The following SLX4IP variants were observed in gnomAD, a reference collection of about 807,000 sequenced individuals.
SLX4IP encodes the protein SLX4 interacting protein.
Under a neutral mutation model 32.9 loss-of-function variants are expected in SLX4IP, and 34 were observed. That is an observed-to-expected ratio of 1.03 (90% CI 0.79 to 1.38). The LOEUF (loss-of-function observed/expected upper bound fraction) is 1.38, where lower values mean the gene tolerates loss of function less well. SLX4IP is among the 40% of genes most tolerant of loss of function. The pLI is 0.00. For synonymous variants in SLX4IP, 172 were observed against 171.7 expected, an observed-to-expected ratio of 1.00 and a Z score of -0.01; for missense variants, 444 against 479.0, an observed-to-expected ratio of 0.93 and a Z score of 0.68.
intron 2 of SLX4IP, among the ~76,000 whole-genome samples, chr20:10,498,112 T>C (rs2065684258): frequency 6.6e-6 from 1 of 150,670 alleles, no homozygotes; most frequent in Admixed American, 6.7e-5. Flanking sequence ...TACATAGCAA[T>C]ATTCTTCCTT....
intron 6 of SLX4IP, chr20:10,613,323 G>A (rs1240777849): frequency 3.5e-6 from 3 of 851,604 alleles, no homozygotes; most frequent in Non-Finnish European, 5.7e-6. Context: ...AATTCAGGCT[G>A]GAAAGACACC....
chr20:10,622,739 CAG>C lies in SLX4IP; in HGVS notation c.588_589del (p.Val197AspfsTer10). 6.2e-7 allele frequency: 1 copy of C among 1,614,116 alleles called. No homozygotes were observed. Among genetic ancestry groups the C allele is most frequent in the Non-Finnish European group, 8.5e-7 (1 of 1,180,024 alleles). On this transcript the variant is annotated frameshift_variant, in exon 8 of 8. Coordinates refer to ENST00000334534, the MANE Select transcript of SLX4IP (RefSeq NM_001009608.3). LOFTEE classifies it high-confidence loss of function. ...GACACTGTGGAAACATCTAGTGACT[CAG>C]TGATTGCAGAGATAGCAAGGAGGAG...
chr20:10,541,617 A>G (rs2066107682), intron 2 of SLX4IP, among the ~76,000 whole-genome samples: 1 of 152,236 alleles, frequency 6.6e-6, no homozygotes, highest in Admixed American at 6.5e-5. Flanking sequence ...GGTATTAGAC[A>G]TTGTAGATAT....
chr20:10,583,838 A>T (rs1377857481), intron 4 of SLX4IP, among the ~76,000 whole-genome samples: 1 of 152,224 alleles, frequency 6.6e-6, no homozygotes, highest in African/African-American at 2.4e-5. Flanking sequence ...TTTAAGCAAA[A>T]CAAAATTTAA....
chr20:10,583,500 G>C (rs982303725), intron 4 of SLX4IP, among the ~76,000 whole-genome samples: 1 of 152,164 alleles, frequency 6.6e-6, no homozygotes, highest in Non-Finnish European at 1.5e-5. Flanking sequence ...CGGGTCAAAT[G>C]TCCTCTGGAA....
At chr20:10,518,439 CT>C (rs1568720015) in intron 2 of SLX4IP, among the ~76,000 whole-genome samples, 1,286 of 57,118 alleles carry the variant, frequency 0.023, 77 homozygotes, top group Admixed American at 0.076. Flanking sequence ...CTCCCTCCTT[CT>C]TCCTTCCTTC....
At chr20:10,583,323 C>T (rs1020140642) in intron 4 of SLX4IP, among the ~76,000 whole-genome samples, 3 of 152,290 alleles carry the variant, frequency 2.0e-5, no homozygotes, top group East Asian at 1.9e-4. Context: ...TTTATCTGAA[C>T]GTCTCTTCAG....
chr20:10,508,177 C>T (rs571921266), intron 2 of SLX4IP, among the ~76,000 whole-genome samples: 5 of 152,256 alleles, frequency 3.3e-5, no homozygotes, highest in East Asian at 1.9e-4. Context: ...CTCACCTGGC[C>T]GGAGTCAGCC....
intron 2 of SLX4IP, among the ~76,000 whole-genome samples, chr20:10,551,804 A>AGG (rs1469278957): frequency 6.6e-6 from 1 of 152,172 alleles, no homozygotes; most frequent in East Asian, 1.9e-4. Flanking sequence ...CAAGGATGAA[A>AGG]ACGTCAGGTG....
chr20:10,472,223 G>A (rs1041222675), intron 2 of SLX4IP, among the ~76,000 whole-genome samples: 5 of 143,100 alleles, frequency 3.5e-5, no homozygotes, highest in Non-Finnish European at 7.5e-5. Flanking sequence ...CTACATTTCC[G>A]TAATACTATA....
intron 4 of SLX4IP, among the ~76,000 whole-genome samples, chr20:10,587,106 TCAATCTCACTCAAATATAAAAG>T (rs1299566361): frequency 4.0e-5 from 6 of 151,560 alleles, no homozygotes; most frequent in Admixed American, 1.3e-4. Context: ...AAATTACAGG[TCAATCTCACTCAAATATAAAAG>T]CAGAAATCCT....
intron 4 of SLX4IP, among the ~76,000 whole-genome samples, chr20:10,594,376 C>T (rs761256718): frequency 4.6e-5 from 7 of 152,018 alleles, no homozygotes; most frequent in East Asian, 1.9e-4. Context: ...TTCACCTGCC[C>T]GGAGGTCCTG....
rs2065449137 is a variant in SLX4IP at position 10,473,825 on chromosome 20, GTCT to G, written c.27+15599_27+15601del. ...TTCACCATGTTGGCCCGGCTGGTTG[GTCT>G]TCTTTTTTTTTTTGAAAGGAGTCTT... On this transcript the variant is annotated intron_variant, in intron 2 of 7. Coordinates refer to ENST00000334534, the MANE Select transcript of SLX4IP (RefSeq NM_001009608.3). 4.0e-5 allele frequency among the ~76,000 whole-genome samples: 6 copies of G among 150,886 alleles called. No individual in the cohort carries two copies. The South Asian group carries it at 1.0e-3, about 26-fold the overall frequency.
intron 4 of SLX4IP, among the ~76,000 whole-genome samples, chr20:10,587,779 G>A (rs1428142754): frequency 7.9e-5 from 12 of 152,094 alleles, no homozygotes; most frequent in Non-Finnish European, 1.5e-4. Flanking sequence ...ATGGTTCTGG[G>A]TAAACTGGAT....
intron 4 of SLX4IP, among the ~76,000 whole-genome samples, chr20:10,591,116 T>G (rs2066704082): frequency 6.6e-6 from 1 of 152,168 alleles, no homozygotes; most frequent in South Asian, 2.1e-4. Context: ...AGTTTTCCAG[T>G]CAGAACCCAA....
At chr20:10,532,830 C>T (rs2066001617) in intron 2 of SLX4IP, among the ~76,000 whole-genome samples, 1 of 151,166 alleles carries the variant, frequency 6.6e-6, no homozygotes, top group Non-Finnish European at 1.5e-5. Flanking sequence ...GGCTGGAGTG[C>T]AGTAGCGTGA....
At chr20:10,491,093 C>T (rs1374931041) in intron 2 of SLX4IP, among the ~76,000 whole-genome samples, 1 of 151,002 alleles carries the variant, frequency 6.6e-6, no homozygotes, top group Non-Finnish European at 1.5e-5. Context: ...CAGGTTGTTA[C>T]ACACTTTGGT....
intron 2 of SLX4IP, among the ~76,000 whole-genome samples, chr20:10,480,210 C>A (rs670129): frequency 6.6e-6 from 1 of 150,990 alleles, no homozygotes; most frequent in African/African-American, 2.5e-5. Context: ...CTGGGCAACA[C>A]GGTGAAATCC....
chr20:10,442,850 G>T (rs1443154751), intron 1 of SLX4IP, among the ~76,000 whole-genome samples: 2 of 152,170 alleles, frequency 1.3e-5, no homozygotes, highest in East Asian at 3.8e-4. Flanking sequence ...AAAGCCTCAG[G>T]ATGTTCCTTG....
Sources: gnomAD v4.1 joint callset for allele counts (sites outside exome capture counted in the v4.1 genomes callset) on GRCh38, gnomAD v4.1.1 for gene constraint, MANE v1.5 for transcripts, NCBI Gene and HGNC (gene_info 2026-07-23, HGNC 2026-07-21) for gene names.